The following APOOL variants were observed in gnomAD, a reference collection of about 807,000 sequenced individuals.
APOOL encodes MICOS complex subunit MIC27.
APOOL carries 12 observed loss-of-function variants against 23.1 expected under a neutral mutation model. The ratio of observed to expected loss-of-function variants is 0.52; its 90% confidence interval spans 0.33 to 0.84. The LOEUF (loss-of-function observed/expected upper bound fraction) is 0.84. APOOL is among the 40% of genes least tolerant of loss of function. APOOL has a pLI of 0.02. For synonymous variants in APOOL, 77 were observed against 69.9 expected (o/e 1.10, Z -0.51); for missense variants, 212 against 199.6 (o/e 1.06, Z -0.37).
intron 8 of APOOL, among the ~76,000 whole-genome samples, chrX:85,083,678 G>A (rs1007777444): frequency 2.7e-5 from 3 of 111,663 alleles, no homozygotes; most frequent in Non-Finnish European, 5.6e-5. Flanking sequence ...TTATATACAA[G>A]AAACCAAAAG....
intron 5 of APOOL, among the ~76,000 whole-genome samples, chrX:85,063,097 C>A (rs1401522245): frequency 9.0e-6 from 1 of 111,120 alleles, no homozygotes; most frequent in Non-Finnish European, 1.9e-5. Context: ...AGCTGTATTC[C>A]TAGGTATTTT....
intron 5 of APOOL, among the ~76,000 whole-genome samples, chrX:85,061,896 C>T (rs983503200): frequency 1.4e-4 from 16 of 111,171 alleles, no homozygotes; most frequent in South Asian, 3.8e-4. Context: ...CTGCTCTGAT[C>T]TTAGTTATTT....
At chrX:85,042,169 C>T (rs1029149899) in intron 1 of APOOL, among the ~76,000 whole-genome samples, 2 of 111,787 alleles carry the variant, frequency 1.8e-5, no homozygotes, top group African/African-American at 3.3e-5. Context: ...TGAAACAAAA[C>T]GTTGGTTGTT....
intron 1 of APOOL, among the ~76,000 whole-genome samples, chrX:85,021,417 G>C (rs1023628617): frequency 9.0e-6 from 1 of 110,909 alleles, no homozygotes; most frequent in Non-Finnish European, 1.9e-5. Flanking sequence ...CATAATCCTA[G>C]GCTTCAGACC....
chrX:85,034,852 C>A (rs979807704), intron 1 of APOOL, among the ~76,000 whole-genome samples: 19 of 111,863 alleles, frequency 1.7e-4, no homozygotes, highest in Non-Finnish European at 3.6e-4. Flanking sequence ...TTTCTATATT[C>A]AGTACAACAC....
At chrX:85,037,615 T>G in intron 1 of APOOL, among the ~76,000 whole-genome samples, 1 of 111,452 alleles carries the variant, frequency 9.0e-6, no homozygotes, top group Middle Eastern at 4.6e-3. Flanking sequence ...AGCAGCATGG[T>G]ACTGGTGTAA....
intron 1 of APOOL, 76 bp downstream of exon 1, chrX:85,004,003 C>G (rs1394700880): frequency 8.8e-7 from 1 of 1,139,925 alleles, no homozygotes; most frequent in Non-Finnish European, 1.2e-6. Flanking sequence ...ATCCTACTAA[C>G]TTCTGAAGGA....
intron 2 of APOOL, among the ~76,000 whole-genome samples, chrX:85,049,203 A>G (rs372398121): frequency 1.8e-5 from 2 of 111,722 alleles, no homozygotes; most frequent in Non-Finnish European, 3.8e-5. Context: ...TATCTATACA[A>G]TAAGTGGCAT....
chrX:85,067,666 A>ACG (rs1556373919), intron 6 of APOOL, among the ~76,000 whole-genome samples: 2 of 107,854 alleles, frequency 1.9e-5, no homozygotes, highest in East Asian at 2.9e-4. Flanking sequence ...ACACACACAC[A>ACG]CGCACAGGAA....
At chrX:85,019,107 T>C (rs1031801002) in intron 1 of APOOL, among the ~76,000 whole-genome samples, 1 of 111,716 alleles carries the variant, frequency 9.0e-6, no homozygotes, top group Non-Finnish European at 1.9e-5. Flanking sequence ...TTGGCACTGG[T>C]TGTGGCATGC....
intron 5 of APOOL, among the ~76,000 whole-genome samples, chrX:85,061,501 C>T (rs753635086): frequency 2.0e-3 from 220 of 111,966 alleles, no homozygotes; most frequent in Middle Eastern, 4.6e-3. Context: ...GCTGTGAATC[C>T]ATCTGGTCCT....
intron 5 of APOOL, among the ~76,000 whole-genome samples, chrX:85,063,629 T>A (rs1318333860): frequency 2.7e-5 from 3 of 111,319 alleles, no homozygotes; most frequent in South Asian, 3.8e-4. Context: ...AATCATGTGG[T>A]TTTTGTCTTT....
chrX:85,015,542 A>ATATT (rs150837249), intron 1 of APOOL, among the ~76,000 whole-genome samples: 17,793 of 98,873 alleles, frequency 0.18, 1,864 homozygotes, highest in Non-Finnish European at 0.25. Flanking sequence ...TCGGACTTTA[A>ATATT]TATTTATTTA....
At chrX:85,033,961 T>C (rs930695469) in intron 1 of APOOL, among the ~76,000 whole-genome samples, 3 of 111,874 alleles carry the variant, frequency 2.7e-5, no homozygotes, top group African/African-American at 9.7e-5. Flanking sequence ...TCTTAACTTT[T>C]ATAATCAGAA....
At chrX:85,010,399 G>A (rs1400781906) in intron 1 of APOOL, among the ~76,000 whole-genome samples, 1 of 111,629 alleles carries the variant, frequency 9.0e-6, no homozygotes. Flanking sequence ...GTGGTTTTAG[G>A]TTAAATGGGT....
chrX:85,085,417 T>C (rs1924255627), intron 8 of APOOL, among the ~76,000 whole-genome samples: 1 of 112,017 alleles, frequency 8.9e-6, no homozygotes, highest in Non-Finnish European at 1.9e-5. Context: ...GAATTTATTC[T>C]ATGGAGAGCT....
chrX:85,084,678 G>A (rs1013282588), intron 8 of APOOL, among the ~76,000 whole-genome samples: 4 of 111,345 alleles, frequency 3.6e-5, no homozygotes, highest in African/African-American at 1.3e-4. Flanking sequence ...GTTTTAAGTT[G>A]TGAATAAATT....
At chrX:85,009,629 T>G (rs1225007285) in intron 1 of APOOL, among the ~76,000 whole-genome samples, 1 of 111,662 alleles carries the variant, frequency 9.0e-6, no homozygotes, top group African/African-American at 3.3e-5. Context: ...TTTTATTTAT[T>G]TATTTACTTT....
intron 8 of APOOL, among the ~76,000 whole-genome samples, chrX:85,076,140 T>C (rs984174543): frequency 3.6e-5 from 4 of 110,789 alleles, no homozygotes; most frequent in African/African-American, 1.3e-4. Flanking sequence ...TCACTTCCTC[T>C]AATTCTAACC....
Sources: gnomAD v4.1 joint callset for allele counts (sites outside exome capture counted in the v4.1 genomes callset) on GRCh38, gnomAD v4.1.1 for gene constraint, MANE v1.5 for transcripts, NCBI Gene and HGNC (gene_info 2026-07-23, HGNC 2026-07-21) for gene names.